PKHD1: variants seen among roughly 807,000 people sequenced by gnomAD.
The protein encoded by PKHD1 is PKHD1 ciliary IPT domain containing fibrocystin/polyductin, also known as fibrocystin.
A neutral mutation model predicts 412.0 loss-of-function variants in PKHD1; 291 were observed. The ratio of observed to expected loss-of-function variants is 0.71; its 90% CI spans 0.64 to 0.78. The LOEUF is 0.78. Ranked by LOEUF, PKHD1 falls within the 30% of genes least tolerant of loss-of-function variation. The pLI is 0.00. For missense variants in PKHD1, 4,825 were observed against 4,950.7 expected, an observed-to-expected ratio of 0.97 and a Z score of 0.76; for synonymous variants, 1,777 against 1,821.5, an observed-to-expected ratio of 0.98 and a Z score of 0.62.
intron 50 of PKHD1, among the ~76,000 whole-genome samples, chr6:51,840,370 C>G (rs1769962982): frequency 6.6e-6 from 1 of 152,026 alleles, no homozygotes; most frequent in South Asian, 2.1e-4. Context: ...TTCTATTATC[C>G]CTGTATCATT....
rs768001913 is a variant in PKHD1, at chr6:51,911,967, A to C, written c.6333-11T>G. ...AAGTTGTGAGAATATCTGGAGAAAA[A>C]AAGAGGATGATAGAACTGAGGACAT... is the stretch of plus-strand genomic sequence containing the variant. On this transcript the variant is annotated splice_polypyrimidine_tract_variant and intron_variant, in intron 38 of 66. Coordinates refer to ENST00000371117, the MANE Select transcript of PKHD1 (RefSeq NM_138694.4). The C allele has an allele frequency of 6.2e-7, 1 of 1,605,246 alleles. No individual in the cohort carries two copies. The highest frequency in any genetic ancestry group is 8.5e-7 in the Non-Finnish European group (1 of 1,174,060).
intron 60 of PKHD1, chr6:51,741,297 A>C (rs1469809263): frequency 4.1e-6 from 2 of 484,212 alleles, no homozygotes; most frequent in South Asian, 3.1e-5. Flanking sequence ...TATTTTTGGC[A>C]CTCACCTTCA....
In PKHD1 at chr6:51,772,336, A is replaced by T. The variant is rs544433212; in HGVS notation, c.8642+366T>A. On this transcript the variant is annotated intron_variant, in intron 55 of 66. Coordinates refer to ENST00000371117, the MANE Select transcript of PKHD1 (RefSeq NM_138694.4). ...ATATGTTTCATCTCCCTCCTATTTTATTTCTGTCTATATCTTAATGAGGTA... is the reference window on the plus strand; with the variant it reads ...ATATGTTTCATCTCCCTCCTATTTTTTTTCTGTCTATATCTTAATGAGGTA... Among the ~76,000 whole-genome samples the T allele has an allele frequency of 2.0e-5, 3 of 151,806 alleles. No individual in the cohort carries two copies. In the East Asian group the frequency reaches 5.8e-4, roughly 30 times the overall value.
At chr6:51,704,520 C>A (rs1779792462) in intron 60 of PKHD1, among the ~76,000 whole-genome samples, 1 of 152,006 alleles carries the variant, frequency 6.6e-6, no homozygotes, top group Non-Finnish European at 1.5e-5. Flanking sequence ...ACTGCTATAG[C>A]TCAGGTAAAA....
intron 60 of PKHD1, among the ~76,000 whole-genome samples, chr6:51,722,973 T>C (rs1173645608): frequency 6.6e-6 from 1 of 152,252 alleles, no homozygotes; most frequent in Non-Finnish European, 1.5e-5. Context: ...TCATTTTTGT[T>C]TTCAAATTAG....
At chr6:51,853,498 A>G (rs1772702036) in intron 49 of PKHD1, among the ~76,000 whole-genome samples, 1 of 152,164 alleles carries the variant, frequency 6.6e-6, no homozygotes, top group Non-Finnish European at 1.5e-5. Context: ...CTTCTCCTGA[A>G]TAATATCCTG....
At chr6:51,912,872 T>G (rs1783181357) in intron 37 of PKHD1, among the ~76,000 whole-genome samples, 1 of 152,120 alleles carries the variant, frequency 6.6e-6, no homozygotes, top group South Asian at 2.1e-4. Flanking sequence ...TATATTTGAA[T>G]CACGATCTTT....
chr6:51,811,817 C>A (rs1313882612), intron 52 of PKHD1, among the ~76,000 whole-genome samples: 1 of 151,994 alleles, frequency 6.6e-6, no homozygotes, highest in African/African-American at 2.4e-5. Flanking sequence ...AAAATGTAAT[C>A]CCAACTGAGA....
intron 63 of PKHD1, among the ~76,000 whole-genome samples, chr6:51,644,685 A>ATTTTGTTTTG (rs369655135): frequency 0.025 from 3,842 of 151,968 alleles, 179 homozygotes; most frequent in African/African-American, 0.088. Context: ...GGATAAGCTG[A>ATTTTGTTTTG]TTTTGTTTTG....
chr6:51,856,397 C>T (rs1225829431), intron 48 of PKHD1, among the ~76,000 whole-genome samples: 31 of 152,174 alleles, frequency 2.0e-4, no homozygotes, highest in Admixed American at 6.5e-5. Context: ...GAGTGCAATG[C>T]GCAGTCTCAG....
At chr6:51,743,826 C>T (rs1784861678) in intron 60 of PKHD1, among the ~76,000 whole-genome samples, 1 of 152,144 alleles carries the variant, frequency 6.6e-6, no homozygotes, top group African/African-American at 2.4e-5. Flanking sequence ...ACAATGATCT[C>T]TCCAGGGGTC....
chr6:52,071,176 G>C (rs1352506892), intron 8 of PKHD1, 106 bp from the exon 9 acceptor site: 3 of 791,622 alleles, frequency 3.8e-6, no homozygotes, highest in East Asian at 2.4e-5. Flanking sequence ...AAATTTGCTA[G>C]AGAAAATGGT....
intron 49 of PKHD1, among the ~76,000 whole-genome samples, chr6:51,852,534 C>T (rs930134488): frequency 6.6e-6 from 1 of 152,168 alleles, no homozygotes; most frequent in African/African-American, 2.4e-5. Flanking sequence ...GTGTGGGAGT[C>T]TAAGTCTCTT....
intron 60 of PKHD1, among the ~76,000 whole-genome samples, chr6:51,660,857 A>G (rs1772730614): frequency 6.6e-6 from 1 of 152,044 alleles, no homozygotes; most frequent in African/African-American, 2.4e-5. Context: ...TTATGTAGGT[A>G]TGATTGACTA....
intron 50 of PKHD1, among the ~76,000 whole-genome samples, chr6:51,844,840 A>G (rs1262513176): frequency 1.3e-5 from 2 of 152,120 alleles, no homozygotes; most frequent in African/African-American, 4.8e-5. Context: ...AAAATCTAAT[A>G]TGGAATTCCG....
Position 51,754,954 on chromosome 6 carries a change from A to AAT in PKHD1, c.8643-18_8643-17dup, listed in dbSNP as rs769010568. ...TACTATAATTCTGTAACAGCATAAC[A>AAT]ATGGCATTGGATATACTAACAGTGC... On this transcript the variant is annotated splice_polypyrimidine_tract_variant and intron_variant, in intron 55 of 66. Transcript: ENST00000371117. The AAT allele has an allele frequency of 6.2e-7, 1 of 1,609,858 alleles. No homozygotes were observed. The highest frequency in any genetic ancestry group is 8.5e-7 in the Non-Finnish European group (1 of 1,176,272).
intron 4 of PKHD1, among the ~76,000 whole-genome samples, chr6:52,080,448 T>C (rs935903753): frequency 5.3e-5 from 8 of 152,224 alleles, no homozygotes; most frequent in African/African-American, 1.9e-4. Context: ...AAATACTTCA[T>C]GTAGCCATCA....
At chr6:51,708,951 G>C (rs915759034) in intron 60 of PKHD1, among the ~76,000 whole-genome samples, 1 of 152,204 alleles carries the variant, frequency 6.6e-6, no homozygotes, top group Non-Finnish European at 1.5e-5. Context: ...AAGGAGAAAT[G>C]AAGACCATTT....
intron 60 of PKHD1, chr6:51,721,540 T>C: frequency 1.0e-6 from 1 of 990,312 alleles, no homozygotes; most frequent in African/African-American, 1.7e-5. Flanking sequence ...TCCAAAGCTC[T>C]AATTCCAAAG....
Sources: gnomAD v4.1 joint callset for allele counts (sites outside exome capture counted in the v4.1 genomes callset) on GRCh38, gnomAD v4.1.1 for gene constraint, MANE v1.5 for transcripts, NCBI Gene and HGNC (gene_info 2026-07-23, HGNC 2026-07-21) for gene names.